The following DNAI2 variants were observed in gnomAD, a reference collection of about 807,000 sequenced individuals.
DNAI2 encodes dynein axonemal intermediate chain 2.
Under a neutral mutation model 74.7 loss-of-function variants are expected in DNAI2, and 63 were observed. That is an observed-to-expected ratio of 0.84 (90% CI 0.69 to 1.04). The LOEUF (loss-of-function observed/expected upper bound fraction) is 1.04. DNAI2 is among the 50% of genes least tolerant of loss of function. The probability of loss-of-function intolerance (pLI) is 0.00; values close to 1 mark genes in which losing one functional copy is unlikely to be tolerated. For synonymous variants in DNAI2, 289 were observed against 314.9 expected (o/e 0.92, Z 0.87); for missense variants, 688 against 803.2 (o/e 0.86, Z 1.73).
At chr17:74,305,546 A>G in intron 9 of DNAI2, 104 bp downstream of exon 9, 1 of 1,052,404 alleles carries the variant, frequency 9.5e-7, no homozygotes, top group East Asian at 2.6e-5. Flanking sequence ...TGTAAAATGG[A>G]GAAAAACCTT....
intron 6 of DNAI2, among the ~76,000 whole-genome samples, chr17:74,295,192 C>G (rs570108010): frequency 1.1e-4 from 15 of 137,630 alleles, no homozygotes; most frequent in African/African-American, 3.5e-4. Context: ...CTCAGGAGTT[C>G]AAGACCAGCA....
chr17:74,281,582 G>A (rs1030807207), intron 1 of DNAI2: 3 of 599,146 alleles, frequency 5.0e-6, no homozygotes, highest in Non-Finnish European at 8.9e-6. Context: ...CCTCCTCAGA[G>A]AGCAACTGCA....
At chr17:74,281,285 G>T (rs553266191) in intron 1 of DNAI2, among the ~76,000 whole-genome samples, 1 of 151,926 alleles carries the variant, frequency 6.6e-6, no homozygotes. Context: ...TTGAGACAGA[G>T]TCTTGCTCTG....
Position 74,312,065 on chromosome 17 carries a change from G to A in DNAI2, c.1557G>A (p.Leu519=), listed in dbSNP as rs1223294262. The A allele has an allele frequency of 6.2e-7, 1 of 1,612,830 alleles. No individual in the cohort carries two copies. The highest frequency in any genetic ancestry group is 8.5e-7 in the Non-Finnish European group (1 of 1,179,854). ...AGGCCAGGCACCGGGAGATGCGGCTGAAGGAGAAGGGTAAGGCGGAGGGCA... is the reference window on the plus strand; with the variant it reads ...AGGCCAGGCACCGGGAGATGCGGCTAAAGGAGAAGGGTAAGGCGGAGGGCA... ...ILEARHREMR[L]KEKGKAEGRD... is the part of the protein sequence containing the mutation. Residue 519 remains leucine (L), a synonymous_variant, in exon 12 of 14, where the codon CTG becomes CTA. Coordinates refer to ENST00000311014, the MANE Select transcript of DNAI2 (RefSeq NM_023036.6).
chr17:74,294,320 T>G (rs2052310686), intron 6 of DNAI2, among the ~76,000 whole-genome samples: 1 of 151,596 alleles, frequency 6.6e-6, no homozygotes, highest in Admixed American at 6.6e-5. Flanking sequence ...TCTTTTCTTT[T>G]TTTTTTAGAG....
In DNAI2 at chr17:74,276,206, C is replaced by T. The variant is rs181949954; in HGVS notation, c.-12+1861C>T. Among the ~76,000 whole-genome samples the T allele has an allele frequency of 1.2e-4, 19 of 152,298 alleles. No homozygotes were observed. In the East Asian group the frequency reaches 2.9e-3, roughly 23 times the overall value. On this transcript the variant is annotated intron_variant, in intron 1 of 13. Transcript: ENST00000311014. ...CTTTGCTCATTCTCACTGCACAAGA[C>T]GAGTTTTGTTTTTATAGTGAGTGAA...
At chr17:74,303,312 C>T (rs967612027) in intron 8 of DNAI2, among the ~76,000 whole-genome samples, 10 of 152,140 alleles carry the variant, frequency 6.6e-5, no homozygotes, top group African/African-American at 2.4e-4. Flanking sequence ...CGATGGGCCA[C>T]TCAGATCTGG....
At chr17:74,308,501 G>A (rs959059213) in intron 9 of DNAI2, among the ~76,000 whole-genome samples, 1 of 152,040 alleles carries the variant, frequency 6.6e-6, no homozygotes, top group Admixed American at 6.6e-5. Context: ...GCCAGCCCAC[G>A]GGAAGGACTG....
chr17:74,297,013 A>G (rs1219008560), intron 6 of DNAI2, among the ~76,000 whole-genome samples: 1 of 152,176 alleles, frequency 6.6e-6, no homozygotes, highest in African/African-American at 2.4e-5. Context: ...TCTCACTGCT[A>G]TTATGGAGGA....
chr17:74,287,176 C>T (rs2051800841), intron 4 of DNAI2, 78 bp downstream of exon 4: 1 of 1,577,916 alleles, frequency 6.3e-7, no homozygotes, highest in Non-Finnish European at 8.6e-7. Context: ...CAACTCCTTG[C>T]CATCGCTGCA....
chr17:74,291,919 A>G (rs1433395549), intron 6 of DNAI2, among the ~76,000 whole-genome samples: 1 of 151,246 alleles, frequency 6.6e-6, no homozygotes, highest in African/African-American at 2.4e-5. Context: ...GCCGGAGTGC[A>G]GTGGTGCAGT....
In DNAI2 at chr17:74,300,986, G is replaced by A; in HGVS notation, c.865-60G>A. On this transcript the variant is annotated intron_variant, in intron 7 of 13. Coordinates refer to ENST00000311014, the MANE Select transcript of DNAI2 (RefSeq NM_023036.6). The surrounding 1 kb of genome is among the most constrained non-coding windows in gnomAD (Gnocchi z 4.5). ...AGGACGGTGGGGTGAGGGCGGAGAA[G>A]GCAAAAGCCAGGGGAAATACAGGGC... The A allele has an allele frequency of 6.2e-7, 1 of 1,607,666 alleles. No individual in the cohort carries two copies. The highest frequency in any genetic ancestry group is 8.5e-7 in the Non-Finnish European group (1 of 1,177,184).
intron 8 of DNAI2, among the ~76,000 whole-genome samples, chr17:74,302,385 T>C (rs1021329155): frequency 3.9e-5 from 6 of 152,042 alleles, no homozygotes; most frequent in Non-Finnish European, 8.8e-5. Context: ...CTGACCAATA[T>C]GGAGAAACCC....
At chr17:74,292,068 T>A (rs1460218285) in intron 6 of DNAI2, among the ~76,000 whole-genome samples, 1 of 152,166 alleles carries the variant, frequency 6.6e-6, no homozygotes, top group Non-Finnish European at 1.5e-5. Context: ...TTTCACTATG[T>A]TGGCCAGACT....
rs1047266715 is a variant in DNAI2 at position 74,314,050 on chromosome 17, C to T, written c.1723-71C>T. ...TGGCTGCTTTGGTCCTCGTGGGGTT[C>T]ACATCCCAGGGGAGTGGGGAAGGCC... On this transcript the variant is annotated intron_variant, in intron 12 of 13. Transcript: ENST00000311014. 2.1e-5 allele frequency: 34 copies of T among 1,609,768 alleles called. No homozygotes were observed. The African/African-American group carries it at 2.4e-4, about 11-fold the overall frequency.
chr17:74,312,054 G>A lies in DNAI2; in HGVS notation c.1546G>A (p.Glu516Lys). ...REKILEARHR[E>K]MRLKEKGKAE... The stretch of plus-strand genomic sequence containing the variant: ...GAAGATCCTGGAGGCCAGGCACCGG[G>A]AGATGCGGCTGAAGGAGAAGGGTAA... The change falls in exon 12 of 14, where the codon GAG becomes AAG. Residue 516 changes from glutamate (E) to lysine (K), a missense_variant. By Grantham distance (56) the Glu-to-Lys change is moderately conservative. Transcript: ENST00000311014. The A allele has an allele frequency of 6.2e-7, 1 of 1,612,502 alleles. No homozygotes were observed. Among genetic ancestry groups the A allele is most frequent in the Admixed American group, 1.7e-5 (1 of 60,026 alleles).
chr17:74,275,939 C>T (rs1334046352), intron 1 of DNAI2, among the ~76,000 whole-genome samples: 1 of 152,112 alleles, frequency 6.6e-6, no homozygotes, highest in East Asian at 1.9e-4. Flanking sequence ...CTGCCAGGTG[C>T]CATGCAGGGC....
intron 1 of DNAI2, among the ~76,000 whole-genome samples, chr17:74,275,026 G>A (rs997945355): frequency 1.3e-5 from 2 of 152,192 alleles, no homozygotes; most frequent in African/African-American, 4.8e-5. Context: ...TCCTTTGCTT[G>A]TTTGTCACGG....
At chr17:74,313,809 C>T in intron 12 of DNAI2, 1 of 409,166 alleles carries the variant, frequency 2.4e-6, no homozygotes, top group Non-Finnish European at 4.6e-6. Flanking sequence ...CACAGCCCTG[C>T]AAGGTGTCCT....
Sources: allele counts gnomAD v4.1 joint callset (sites outside exome capture counted in the v4.1 genomes callset), GRCh38; gene constraint gnomAD v4.1.1; non-coding constraint Gnocchi (gnomAD v3.1); transcripts MANE v1.5; gene names NCBI Gene and HGNC (gene_info 2026-07-23, HGNC 2026-07-21).